FCGR3B: variants seen among roughly 807,000 people sequenced by gnomAD.
FCGR3B encodes the protein Fc gamma receptor IIIb, also known as low affinity immunoglobulin gamma Fc region receptor III-B.
A neutral mutation model predicts 26.7 loss-of-function variants in FCGR3B; 20 were observed. That is an observed-to-expected ratio of 0.75 (90% CI 0.53 to 1.09). The LOEUF (loss-of-function observed/expected upper bound fraction) is 1.09. FCGR3B is among the 50% of genes least tolerant of loss of function. The pLI is 0.00. For missense variants in FCGR3B, 191 were observed against 279.7 expected (o/e 0.68, Z 2.26); for synonymous variants, 79 against 107.0 (o/e 0.74, Z 1.62).
chr1:161,630,438 G>C, intron 1 of FCGR3B, 50 bp from the exon 2 acceptor site: 5 of 1,571,594 alleles, frequency 3.2e-6, no homozygotes, highest in Non-Finnish European at 3.5e-6. Flanking sequence ...AGAGATCAGA[G>C]TGATTAGAAC....
rs1166429379 is a variant in FCGR3B, at chr1:161,624,441, T to C, written c.*74A>G. 3 of 1,517,984 alleles carry C rather than the reference T, an allele frequency of 2.0e-6. 1 individual carries two copies. The highest frequency in any genetic ancestry group is 4.5e-5 in the East Asian group (2 of 44,148). 94.0% of individuals were successfully genotyped at this position (1,517,984 alleles called of 1,614,324 possible). On this transcript the variant is annotated 3_prime_UTR_variant, in exon 5 of 5. Transcript: ENST00000650385. Reference sequence around the variant, plus strand: ...GCTGCCACTGCTCTTATTACCCCCATGGGATGGGGGTCATGTGTCTTGAGG... The same window carrying C: ...GCTGCCACTGCTCTTATTACCCCCACGGGATGGGGGTCATGTGTCTTGAGG...
upstream of FCGR3B, chr1:161,631,599 A>G (rs1264692221): frequency 3.0e-6 from 1 of 336,612 alleles, no homozygotes; most frequent in Non-Finnish European, 5.2e-6. Context: ...CTGCCTGCAC[A>G]CAGAAAGTTG....
upstream of FCGR3B, chr1:161,631,310 G>C (rs114519832): frequency 3.7e-3 from 4,430 of 1,212,352 alleles, 389 homozygotes; most frequent in African/African-American, 0.057. Context: ...AAAGAGCCTG[G>C]AGGCAAGGTG....
In FCGR3B at chr1:161,630,390, T is replaced by G. The variant is rs369420655; in HGVS notation, c.41-2A>C. 1.0e-5 allele frequency: 16 copies of G among 1,605,618 alleles called. 1 individual carries two copies. Among genetic ancestry groups the G allele is most frequent in the Non-Finnish European group, 1.4e-5 (16 of 1,176,424 alleles). On this transcript the variant is annotated splice_acceptor_variant, in intron 1 of 4. Transcript: ENST00000650385. LOFTEE classifies it high-confidence loss of function. ...CACCAGTCCGCATGCCAGCTGAAACTGCAAGAAAAAAGAGTAAATCAAATA... is the reference window on the plus strand; with the variant it reads ...CACCAGTCCGCATGCCAGCTGAAACGGCAAGAAAAAAGAGTAAATCAAATA...
rs1679321703 is a variant in FCGR3B at position 161,623,842 on chromosome 1, C to T, written c.*673G>A. ...ATAGAGTCCCCTGGAAGACTCAATT[C>T]TACGTCACCCTCATGATTTCCTGTT... On this transcript the variant is annotated 3_prime_UTR_variant, in exon 5 of 5. Transcript: ENST00000650385. The T allele has an allele frequency of 1.4e-5, 2 of 146,638 alleles. No homozygotes were observed. The allele number at this position is 146,638 out of a possible 1,614,324, so 9.1% of individuals were successfully genotyped here.
Position 161,627,619 on chromosome 1 carries a change from T to C in FCGR3B, c.320-1217A>G, listed in dbSNP as rs149343962. 1.2e-3 allele frequency among the ~76,000 whole-genome samples: 174 copies of C among 150,582 alleles called. 8 individuals are homozygous for C. Among genetic ancestry groups the C allele is most frequent in the Non-Finnish European group, 2.3e-3 (158 of 67,762 alleles). Reference sequence around the variant, plus strand: ...GAAGCCATGTGCCTATCTATCCACTTACTTTTTCAGCAAAGAGATGAATCA... The same window carrying C: ...GAAGCCATGTGCCTATCTATCCACTCACTTTTTCAGCAAAGAGATGAATCA... On this transcript the variant is annotated intron_variant, in intron 3 of 4. Coordinates refer to ENST00000650385, the MANE Select transcript of FCGR3B (RefSeq NM_001244753.2).
intron 1 of FCGR3B, 108 bp from the exon 2 acceptor site, chr1:161,630,496 A>C: frequency 1.1e-6 from 1 of 948,574 alleles, no homozygotes; most frequent in Non-Finnish European, 1.6e-6. Flanking sequence ...CCAGGAGCCC[A>C]ATTTTCCCAA....
intron 3 of FCGR3B, among the ~76,000 whole-genome samples, chr1:161,629,155 TG>T (rs1679617164): frequency 1.1e-5 from 1 of 92,316 alleles, no homozygotes; most frequent in Admixed American, 1.3e-4. Flanking sequence ...TGGCCAGGTG[TG>T]GTGGCTCACG....
At chr1:161,627,959 A>G (rs1679545155) in intron 3 of FCGR3B, among the ~76,000 whole-genome samples, 1 of 150,272 alleles carries the variant, frequency 6.7e-6, no homozygotes, top group African/African-American at 2.5e-5. Context: ...GATTGGAATA[A>G]AGAAATTCTG....
At chr1:161,630,688 A>G in intron 1 of FCGR3B, 1 of 544,396 alleles carries the variant, frequency 1.8e-6, no homozygotes, top group Non-Finnish European at 3.3e-6. Flanking sequence ...CTACAGAAAG[A>G]GCCTCAACCC....
chr1:161,625,479 C>T lies in FCGR3B; in HGVS notation c.577+666G>A, dbSNP rs192912494. On this transcript the variant is annotated intron_variant, in intron 4 of 4. Coordinates refer to ENST00000650385, the MANE Select transcript of FCGR3B (RefSeq NM_001244753.2). ...GTCTTTGATGTGACCTTAGGGGCAACTTATTTATTTATTTTTGCACCTCGG... is the reference window on the plus strand; with the variant it reads ...GTCTTTGATGTGACCTTAGGGGCAATTTATTTATTTATTTTTGCACCTCGG... Among the ~76,000 whole-genome samples the T allele has an allele frequency of 4.5e-3, 59 of 13,238 alleles. 21 individuals are homozygous for T. Among genetic ancestry groups the T allele is most frequent in the African/African-American group, 7.6e-3 (58 of 7,632 alleles). The allele number at this position is 13,238 out of a possible 152,430, so 8.7% of individuals were successfully genotyped here.
intron 4 of FCGR3B, among the ~76,000 whole-genome samples, chr1:161,625,571 C>A (rs940510131): frequency 1.5e-5 from 2 of 137,844 alleles, no homozygotes; most frequent in Non-Finnish European, 3.1e-5. Flanking sequence ...GTAGTCAAAC[C>A]AGGTGCATGT....
rs2102583160 is a variant in FCGR3B, at chr1:161,623,526, A to C, written c.*989T>G. ...ATTGAAGCAGAAAAGGTGGTTTTAC[A>C]GTCCCTGCATTAACCTCTAATTCTT... On this transcript the variant is annotated 3_prime_UTR_variant, in exon 5 of 5. Transcript: ENST00000650385. 1 of 149,882 alleles carries C rather than the reference A, an allele frequency of 6.7e-6. No individual in the cohort carries two copies. Among genetic ancestry groups the C allele is most frequent in the South Asian group, 2.1e-4 (1 of 4,676 alleles). The allele number at this position is 149,882 out of a possible 1,614,324, so 9.3% of individuals were successfully genotyped here. A position where few individuals can be genotyped will look rare whatever the true frequency, so the allele number is the denominator to read the frequency against.
chr1:161,625,162 G>C lies in FCGR3B; in HGVS notation c.578-523C>G, dbSNP rs1201223597. On this transcript the variant is annotated intron_variant, in intron 4 of 4. Coordinates refer to ENST00000650385, the MANE Select transcript of FCGR3B (RefSeq NM_001244753.2). ...AACCACTTGGGAGTATTTACTTTCA[G>C]TTTAAAGTGTCATGAAATTATTTTT... Among the ~76,000 whole-genome samples, 2 of 127,170 alleles carry C rather than the reference G, an allele frequency of 1.6e-5. 1 individual carries two copies. The highest frequency in any genetic ancestry group is 3.4e-5 in the Non-Finnish European group (2 of 58,538). The allele number at this position is 127,170 out of a possible 152,430, so 83.4% of individuals were successfully genotyped here.
rs544878106 is a variant in FCGR3B, at chr1:161,628,576, C to T, written c.319+1202G>A. Among the ~76,000 whole-genome samples the T allele has an allele frequency of 5.0e-4, 74 of 148,724 alleles. 5 individuals are homozygous for T. The highest frequency in any genetic ancestry group is 1.5e-3 in the African/African-American group (59 of 39,770). On this transcript the variant is annotated intron_variant, in intron 3 of 4. Coordinates refer to ENST00000650385, the MANE Select transcript of FCGR3B (RefSeq NM_001244753.2). ...TCTTACCTAGCTAGAAATGGACATA[C>T]CTTCTTGTAGCTCTGGAGAGTGAAG...
intron 3 of FCGR3B, among the ~76,000 whole-genome samples, chr1:161,628,197 A>T (rs61803015): frequency 1.3e-5 from 2 of 149,282 alleles, no homozygotes; most frequent in African/African-American, 5.0e-5. Context: ...CGCTGGAACC[A>T]GGGAGGTGGA....
rs1679300855 is a variant in FCGR3B at position 161,623,445 on chromosome 1, G to T, written c.*1070C>A. ...GAAGCTCAGTAGTACATTTAGTATTGGTTATACAACATTTGTTTAATAAAT... is the reference window on the plus strand; with the variant it reads ...GAAGCTCAGTAGTACATTTAGTATTTGTTATACAACATTTGTTTAATAAAT... On this transcript the variant is annotated 3_prime_UTR_variant, in exon 5 of 5. Coordinates refer to ENST00000650385, the MANE Select transcript of FCGR3B (RefSeq NM_001244753.2). 6.7e-6 allele frequency: 1 copy of T among 150,274 alleles called. No individual in the cohort carries two copies. Among genetic ancestry groups the T allele is most frequent in the Admixed American group, 6.7e-5 (1 of 15,026 alleles). The allele number at this position is 150,274 out of a possible 1,614,324, so 9.3% of individuals were successfully genotyped here. A position where few individuals can be genotyped will look rare whatever the true frequency, so the allele number is the denominator to read the frequency against.
chr1:161,626,044 C>A lies in FCGR3B; in HGVS notation c.577+101G>T, dbSNP rs765981573. 57 of 1,379,696 alleles carry A rather than the reference C, an allele frequency of 4.1e-5. 1 individual carries two copies. The highest frequency in any genetic ancestry group is 4.7e-5 in the Non-Finnish European group (47 of 1,004,826). The allele number at this position is 1,379,696 out of a possible 1,614,324, so 85.5% of individuals were successfully genotyped here. A position where few individuals can be genotyped will look rare whatever the true frequency, so the allele number is the denominator to read the frequency against. ...GGAGGGAACCACATATGAAGAAGTGCGTGTAAGAATCAGGAATCTCCTCCC... is the reference window on the plus strand; with the variant it reads ...GGAGGGAACCACATATGAAGAAGTGAGTGTAAGAATCAGGAATCTCCTCCC... On this transcript the variant is annotated intron_variant, in intron 4 of 4. Coordinates refer to ENST00000650385, the MANE Select transcript of FCGR3B (RefSeq NM_001244753.2).
upstream of FCGR3B, chr1:161,631,338 T>G (rs775378443): frequency 2.2e-5 from 19 of 866,480 alleles, no homozygotes; most frequent in Admixed American, 5.8e-5. Context: ...GTGCCCCCTT[T>G]ACTCTCCCAA....
Sources: gnomAD v4.1 joint callset for allele counts (sites outside exome capture counted in the v4.1 genomes callset) on GRCh38, gnomAD v4.1.1 for gene constraint, MANE v1.5 for transcripts, NCBI Gene and HGNC (gene_info 2026-07-23, HGNC 2026-07-21) for gene names.